NIPA1: variants seen among roughly 807,000 people sequenced by gnomAD.
NIPA1 encodes the protein NIPA magnesium transporter 1, also known as magnesium transporter NIPA1.
Under a neutral mutation model 23.9 loss-of-function variants are expected in NIPA1, and 13 were observed. The ratio of observed to expected loss-of-function variants is 0.54; its 90% CI spans 0.35 to 0.87. The LOEUF is 0.87. NIPA1 is among the 40% of genes least tolerant of loss of function. NIPA1 has a pLI of 0.01. For missense variants in NIPA1, 362 were observed against 429.7 expected (o/e 0.84, Z 1.39); for synonymous variants, 234 against 202.9 (o/e 1.15, Z -1.30).
chr15:22,823,666 A>G (rs1895589144), intron 4 of NIPA1, 62 bp from the exon 5 acceptor site: 4 of 1,530,170 alleles, frequency 2.6e-6, no homozygotes, highest in Non-Finnish European at 1.8e-6. Flanking sequence ...GCCCCAGTCC[A>G]CCTCCTGGGT....
chr15:22,789,497 G>C (rs1385310506), intron 1 of NIPA1, among the ~76,000 whole-genome samples: 1 of 152,152 alleles, frequency 6.6e-6, no homozygotes, highest in Non-Finnish European at 1.5e-5. Context: ...TGAGAGACCA[G>C]CCGGCGGGGC....
At chr15:22,823,588 C>T (rs965464202) in intron 4 of NIPA1, 140 bp from the exon 5 acceptor site, 122 of 766,460 alleles carry the variant, frequency 1.6e-4, no homozygotes, top group Middle Eastern at 3.6e-4. Context: ...AAGCCAGAGC[C>T]CACATGCTCC....
chr15:22,824,297 T>A lies in NIPA1; in HGVS notation c.*58T>A. On this transcript the variant is annotated 3_prime_UTR_variant, in exon 5 of 5. Transcript: ENST00000337435. This position sits in a 1 kb window ranked among gnomAD's most constrained non-coding sequence, Gnocchi z 4.1. ...AGGCATTGGAGGTGGTTTCTGGCCG[T>A]GATTGGATGTGAAGTAGAAGAGGTC... The A allele has an allele frequency of 7.2e-7, 1 of 1,397,980 alleles. No individual in the cohort carries two copies. The highest frequency in any genetic ancestry group is 1.0e-6 in the Non-Finnish European group (1 of 984,314). The allele number at this position is 1,397,980 out of a possible 1,614,324, so 86.6% of individuals were successfully genotyped here. A position where few individuals can be genotyped will look rare whatever the true frequency, so the allele number is the denominator to read the frequency against.
chr15:22,808,459 A>G (rs1182113157), intron 1 of NIPA1, among the ~76,000 whole-genome samples: 1 of 152,212 alleles, frequency 6.6e-6, no homozygotes, highest in East Asian at 1.9e-4. Context: ...GCTGGGAGAC[A>G]GCCACAGCAG....
chr15:22,796,326 C>T (rs908854887), intron 1 of NIPA1, among the ~76,000 whole-genome samples: 1 of 152,104 alleles, frequency 6.6e-6, no homozygotes, highest in Non-Finnish European at 1.5e-5. Flanking sequence ...ATGATAGAAG[C>T]AGGAAGACAT....
At position 22,793,463 on chromosome 15, in the gene NIPA1, G is replaced by C. The variant is rs1385462235; in HGVS notation, c.178+6629G>C. Among the ~76,000 whole-genome samples, 5 of 150,974 alleles carry C rather than the reference G, an allele frequency of 3.3e-5. No homozygotes were observed. The East Asian group carries it at 7.8e-4, about 23-fold the overall frequency. ...CTTCTTTTTTTTTATTTTTTTGAGA[G>C]GGAGTCTTGCTCCATCTCCCAGGCT... On this transcript the variant is annotated intron_variant, in intron 1 of 4. Transcript: ENST00000337435.
At chr15:22,811,634 G>A (rs545588801) in intron 2 of NIPA1, among the ~76,000 whole-genome samples, 105 of 152,116 alleles carry the variant, frequency 6.9e-4, no homozygotes, top group Admixed American at 2.2e-3. Context: ...CATGTACTTT[G>A]TTTGTCACAT....
At chr15:22,786,429 C>G (rs1894697406), upstream of NIPA1, among the ~76,000 whole-genome samples, 2 of 151,376 alleles carry the variant, frequency 1.3e-5, no homozygotes, top group Admixed American at 1.3e-4. Flanking sequence ...GAACCCCCGC[C>G]CCACCCAGCG....
intron 1 of NIPA1, among the ~76,000 whole-genome samples, chr15:22,808,866 T>C (rs1895265851): frequency 6.6e-6 from 1 of 151,950 alleles, no homozygotes; most frequent in South Asian, 2.1e-4. Context: ...GATAGAGTCT[T>C]GCTATGTTGC....
intron 3 of NIPA1, among the ~76,000 whole-genome samples, chr15:22,818,346 G>A (rs1383966418): frequency 6.6e-6 from 1 of 152,124 alleles, no homozygotes; most frequent in Non-Finnish European, 1.5e-5. Context: ...TGAGGCAGGA[G>A]AATTGTTTGA....
intron 1 of NIPA1, among the ~76,000 whole-genome samples, chr15:22,804,867 C>T (rs956944501): frequency 7.2e-5 from 11 of 151,822 alleles, no homozygotes; most frequent in East Asian, 1.9e-4. Flanking sequence ...AGACGGAGTC[C>T]GCTCTGTCGC....
intron 1 of NIPA1, among the ~76,000 whole-genome samples, chr15:22,787,678 T>C (rs1894739504): frequency 6.6e-6 from 1 of 152,188 alleles, no homozygotes; most frequent in Non-Finnish European, 1.5e-5. Context: ...TTCCATTGCT[T>C]CCAGAGGGAC....
intron 1 of NIPA1, among the ~76,000 whole-genome samples, chr15:22,800,704 A>G (rs1256271707): frequency 6.6e-6 from 1 of 151,994 alleles, no homozygotes; most frequent in African/African-American, 2.4e-5. Context: ...CGAGGTGGGC[A>G]TATCACAAGG....
intron 3 of NIPA1, among the ~76,000 whole-genome samples, chr15:22,813,130 T>C (rs1194396091): frequency 6.6e-6 from 1 of 151,938 alleles, no homozygotes; most frequent in Non-Finnish European, 1.5e-5. Flanking sequence ...TGGATTTTTA[T>C]TGTAGTTAGG....
chr15:22,826,515 T>G lies in NIPA1; in HGVS notation c.*2276T>G, dbSNP rs1314505217. 1 of 152,134 alleles carries G rather than the reference T, an allele frequency of 6.6e-6. No homozygotes were observed. Among genetic ancestry groups the G allele is most frequent in the Non-Finnish European group, 1.5e-5 (1 of 68,020 alleles). 9.4% of individuals were successfully genotyped at this position (152,134 alleles called of 1,614,324 possible). ...TCAAAGAATACATGTGGCTAACAAG[T>G]GTAATGAGAAAGTTCATGTGTCACA... On this transcript the variant is annotated 3_prime_UTR_variant, in exon 5 of 5. Transcript: ENST00000337435.
At chr15:22,796,909 T>C (rs1894949444) in intron 1 of NIPA1, among the ~76,000 whole-genome samples, 1 of 152,178 alleles carries the variant, frequency 6.6e-6, no homozygotes, top group Non-Finnish European at 1.5e-5. Context: ...GTCATATTTT[T>C]AAAAAGCATT....
intron 4 of NIPA1, among the ~76,000 whole-genome samples, chr15:22,822,425 C>T (rs1420801824): frequency 6.6e-6 from 1 of 152,104 alleles, no homozygotes; most frequent in Non-Finnish European, 1.5e-5. Flanking sequence ...CCCACAAACA[C>T]CCCCACAGCT....
chr15:22,800,014 G>A (rs1451130176), intron 1 of NIPA1, among the ~76,000 whole-genome samples: 1 of 151,584 alleles, frequency 6.6e-6, no homozygotes, highest in Non-Finnish European at 1.5e-5. Context: ...GACTGCTAGA[G>A]GGGAAGGGTA....
chr15:22,808,539 A>G (rs1162184555), intron 1 of NIPA1, among the ~76,000 whole-genome samples: 1 of 152,204 alleles, frequency 6.6e-6, no homozygotes, highest in Non-Finnish European at 1.5e-5. Context: ...GCTTATCTAT[A>G]AAGATAACTT....
Sources: allele counts gnomAD v4.1 joint callset (sites outside exome capture counted in the v4.1 genomes callset), GRCh38; gene constraint gnomAD v4.1.1; non-coding constraint Gnocchi (gnomAD v3.1); transcripts MANE v1.5; gene names NCBI Gene and HGNC (gene_info 2026-07-23, HGNC 2026-07-21).